Variants in ARHGAP26 observed in about 807,000 individuals in gnomAD.
The protein encoded by ARHGAP26 is rho GTPase-activating protein 26.
A neutral mutation model predicts 104.8 loss-of-function variants in ARHGAP26; 38 were observed. That is an observed-to-expected ratio of 0.36 (90% CI 0.28 to 0.48). The LOEUF (loss-of-function observed/expected upper bound fraction) is 0.48. Ranked by LOEUF, ARHGAP26 falls within the 20% of genes least tolerant of loss-of-function variation. The pLI is 0.99. For synonymous variants in ARHGAP26, 341 were observed against 340.0 expected (o/e 1.00, Z -0.03); for missense variants, 704 against 947.9 (o/e 0.74, Z 3.38).
intron 14 of ARHGAP26, among the ~76,000 whole-genome samples, chr5:143,051,089 T>A (rs1040464403): frequency 6.6e-6 from 1 of 152,194 alleles, no homozygotes; most frequent in Non-Finnish European, 1.5e-5. Context: ...TCTTAACATG[T>A]GCGTGTATTA....
intron 6 of ARHGAP26, among the ~76,000 whole-genome samples, chr5:142,898,417 T>C (rs370404067): frequency 2.4e-4 from 37 of 152,282 alleles, no homozygotes; most frequent in African/African-American, 8.7e-4. Context: ...GAGAACTCAT[T>C]CTCCATGTTC....
At chr5:142,781,728 T>C (rs1321480831) in intron 1 of ARHGAP26, among the ~76,000 whole-genome samples, 1 of 152,184 alleles carries the variant, frequency 6.6e-6, no homozygotes, top group Non-Finnish European at 1.5e-5. Flanking sequence ...TGGCTTTTTT[T>C]TGAGATGGAG....
chr5:142,806,335 CA>C (rs1222516291), intron 1 of ARHGAP26, among the ~76,000 whole-genome samples: 3 of 152,158 alleles, frequency 2.0e-5, no homozygotes, highest in Admixed American at 1.3e-4. Flanking sequence ...TGGGCTCAAG[CA>C]ATCCTCCTGC....
At chr5:143,034,951 C>T (rs1388823064) in intron 12 of ARHGAP26, among the ~76,000 whole-genome samples, 1 of 152,134 alleles carries the variant, frequency 6.6e-6, no homozygotes, top group Non-Finnish European at 1.5e-5. Flanking sequence ...TTTATTTATA[C>T]TGGGAAAAAC....
chr5:143,142,118 T>C (rs140706061), intron 19 of ARHGAP26, among the ~76,000 whole-genome samples: 1 of 150,914 alleles, frequency 6.6e-6, no homozygotes, highest in Non-Finnish European at 1.5e-5. Flanking sequence ...AAACAACAGA[T>C]TGACTCTACT....
At chr5:142,881,908 G>T (rs925885222) in intron 4 of ARHGAP26, among the ~76,000 whole-genome samples, 1 of 152,178 alleles carries the variant, frequency 6.6e-6, no homozygotes, top group Admixed American at 6.5e-5. Context: ...ATAACAGCCT[G>T]TTGGAGAGTG....
intron 11 of ARHGAP26, among the ~76,000 whole-genome samples, chr5:142,985,172 C>T (rs1247885746): frequency 6.6e-6 from 1 of 151,266 alleles, no homozygotes; most frequent in East Asian, 1.9e-4. Context: ...ATAATAAATA[C>T]AAAAAAAACT....
At chr5:143,152,108 G>GT (rs1161098384) in intron 20 of ARHGAP26, among the ~76,000 whole-genome samples, 2 of 152,164 alleles carry the variant, frequency 1.3e-5, no homozygotes, top group Admixed American at 1.3e-4. Context: ...GGAGCACAGG[G>GT]TATTTTTTTC....
At chr5:143,133,802 T>G (rs528718677) in intron 18 of ARHGAP26, among the ~76,000 whole-genome samples, 165 bp from the exon 19 acceptor site, 23 of 152,238 alleles carry the variant, frequency 1.5e-4, no homozygotes, top group Non-Finnish European at 2.9e-4. Context: ...TAATGCCATT[T>G]CCTAGAAAAG....
In ARHGAP26 at chr5:143,107,915, G is replaced by T. The variant is rs1285794776; in HGVS notation, c.1539-13073G>T. Among the ~76,000 whole-genome samples the T allele has an allele frequency of 2.0e-5, 3 of 152,200 alleles. No individual in the cohort carries two copies. The East Asian group carries it at 5.8e-4, about 29-fold the overall frequency. ...AATCAGGTTTTGCTTTGCATGTGTT[G>T]AAGTAAGAACTTTATTGGCTTCATT... On this transcript the variant is annotated intron_variant, in intron 17 of 22. Coordinates refer to ENST00000645722, the MANE Select transcript of ARHGAP26 (RefSeq NM_001135608.3).
intron 22 of ARHGAP26, chr5:143,216,237 C>CG (rs1810334982): frequency 2.1e-6 from 1 of 471,228 alleles, no homozygotes; most frequent in African/African-American, 2.0e-5. Context: ...ACCGAAGCTC[C>CG]GGGCACCTCC....
At chr5:143,187,822 T>A (rs1276829607) in intron 20 of ARHGAP26, among the ~76,000 whole-genome samples, 2 of 152,202 alleles carry the variant, frequency 1.3e-5, no homozygotes, top group Non-Finnish European at 2.9e-5. Context: ...CTCTATCCAT[T>A]GGGAGCTGTT....
intron 1 of ARHGAP26, among the ~76,000 whole-genome samples, chr5:142,829,904 T>TC (rs1469284026): frequency 1.3e-5 from 2 of 152,200 alleles, no homozygotes; most frequent in Non-Finnish European, 2.9e-5. Flanking sequence ...ACTGCTGTCT[T>TC]CCCACAGCTA....
intron 17 of ARHGAP26, among the ~76,000 whole-genome samples, chr5:143,075,483 C>T (rs1049453148): frequency 2.6e-5 from 4 of 151,906 alleles, no homozygotes; most frequent in Non-Finnish European, 5.9e-5. Context: ...TAACTATATA[C>T]CATAGTAGGG....
intron 1 of ARHGAP26, among the ~76,000 whole-genome samples, chr5:142,803,671 C>T (rs1355265226): frequency 1.3e-5 from 2 of 152,140 alleles, no homozygotes; most frequent in African/African-American, 2.4e-5. Flanking sequence ...TCCTGCAGCA[C>T]GTCAGCAGTT....
At chr5:142,993,588 A>G (rs1467615706) in intron 11 of ARHGAP26, among the ~76,000 whole-genome samples, 1 of 152,016 alleles carries the variant, frequency 6.6e-6, no homozygotes, top group East Asian at 1.9e-4. Context: ...TATAGGTGTG[A>G]GCCACCATGC....
chr5:142,996,365 T>C (rs984589098), intron 11 of ARHGAP26, among the ~76,000 whole-genome samples: 1 of 145,044 alleles, frequency 6.9e-6, no homozygotes, highest in Admixed American at 6.8e-5. Context: ...TGGTGGCATG[T>C]GCCTGTAATC....
intron 12 of ARHGAP26, 130 bp from the exon 13 acceptor site, chr5:143,037,066 C>A: frequency 2.0e-6 from 1 of 499,500 alleles, no homozygotes; most frequent in Non-Finnish European, 3.6e-6. Flanking sequence ...TATTCCTGTA[C>A]TGTTATTGGG....
intron 11 of ARHGAP26, among the ~76,000 whole-genome samples, chr5:142,967,342 T>A (rs888653090): frequency 6.6e-6 from 1 of 152,146 alleles, no homozygotes. Context: ...TGGCATCAGT[T>A]TAACTTCTGA....
Sources: allele counts gnomAD v4.1 joint callset (sites outside exome capture counted in the v4.1 genomes callset), GRCh38; gene constraint gnomAD v4.1.1; transcripts MANE v1.5; gene names NCBI Gene and HGNC (gene_info 2026-07-23, HGNC 2026-07-21).